ARG2: variants seen among roughly 807,000 people sequenced by gnomAD.
ARG2 encodes arginase 2.
ARG2 carries 21 observed loss-of-function variants against 39.4 expected under a neutral mutation model. That is an observed-to-expected ratio of 0.53 (90% CI 0.38 to 0.77). The LOEUF is 0.77. ARG2 is among the 30% of genes least tolerant of loss of function. The pLI is 0.00. For synonymous variants in ARG2, 150 were observed against 156.7 expected (o/e 0.96, Z 0.32); for missense variants, 378 against 426.2 (o/e 0.89, Z 1.00).
chr14:67,626,213 C>T (rs112568326), intron 2 of ARG2, among the ~76,000 whole-genome samples: 2,352 of 152,044 alleles, frequency 0.015, 73 homozygotes, highest in African/African-American at 0.053. Flanking sequence ...GAGATTGTAC[C>T]ACTGCACTCC....
intron 2 of ARG2, among the ~76,000 whole-genome samples, chr14:67,625,628 C>A (rs11628666): frequency 4.1e-4 from 57 of 140,162 alleles, no homozygotes; most frequent in African/African-American, 1.5e-3. Context: ...TGTGATGAGC[C>A]GAGATTGTGC....
rs2036789228 is a variant in ARG2, at chr14:67,619,945, C to T, written c.-33C>T. 1.4e-6 allele frequency: 2 copies of T among 1,451,448 alleles called. No individual in the cohort carries two copies. Among genetic ancestry groups the T allele is most frequent in the Non-Finnish European group, 1.9e-6 (2 of 1,076,256 alleles). The allele number at this position is 1,451,448 out of a possible 1,614,324, so 89.9% of individuals were successfully genotyped here. ...ACTCCCGGCTTCCAACCGCGCGGAG[C>T]CTCTGCCTTGGAGATTCTCAGTGCT... On this transcript the variant is annotated 5_prime_UTR_variant, in exon 1 of 8. Coordinates refer to ENST00000261783, the MANE Select transcript of ARG2 (RefSeq NM_001172.4).
intron 2 of ARG2, among the ~76,000 whole-genome samples, chr14:67,622,813 A>T (rs1021293119): frequency 1.3e-5 from 2 of 152,214 alleles, no homozygotes; most frequent in African/African-American, 4.8e-5. Flanking sequence ...GAGATTCCTG[A>T]CAAGAAGCGG....
chr14:67,634,155 CA>C (rs2036946219), intron 2 of ARG2, among the ~76,000 whole-genome samples: 2 of 152,180 alleles, frequency 1.3e-5, no homozygotes, highest in African/African-American at 4.8e-5. Context: ...ATTCACATCA[CA>C]ACCCTTGATG....
intron 2 of ARG2, among the ~76,000 whole-genome samples, chr14:67,626,259 A>G (rs912403509): frequency 3.9e-4 from 56 of 144,612 alleles, no homozygotes; most frequent in African/African-American, 1.1e-3. Flanking sequence ...GTCTCAGGGG[A>G]AAAAAAAAAC....
chr14:67,650,728 A>G lies in ARG2; in HGVS notation c.873A>G (p.Ala291=). Residue 291 remains alanine, a synonymous_variant, in exon 8 of 8, where the codon GCA becomes GCG. Transcript: ENST00000261783. ...EEIHNTGLLS[A]LDLVEVNPQL... is the part of the protein sequence containing the mutation. The stretch of plus-strand genomic sequence containing the variant: ...TTGTTCTTCCAGGGTTGCTATCAGC[A>G]CTGGATCTTGTTGAAGTCAATCCTC... 6.2e-7 allele frequency: 1 copy of G among 1,614,016 alleles called. No homozygotes were observed. The highest frequency in any genetic ancestry group is 8.5e-7 in the Non-Finnish European group (1 of 1,180,020).
At chr14:67,627,256 GATAT>G (rs3070464) in intron 2 of ARG2, among the ~76,000 whole-genome samples, 15,881 of 133,714 alleles carry the variant, frequency 0.12, 976 homozygotes, top group East Asian at 0.15. Context: ...TCAGTAAGGA[GATAT>G]ATATATATAT....
chr14:67,636,618 A>G (rs1421944853), intron 2 of ARG2, among the ~76,000 whole-genome samples: 1 of 152,236 alleles, frequency 6.6e-6, no homozygotes, highest in Non-Finnish European at 1.5e-5. Flanking sequence ...TGGTTGCATC[A>G]TTCTGTTGAT....
At chr14:67,647,486 T>G (rs902112500) in intron 6 of ARG2, 1 of 158,010 alleles carries the variant, frequency 6.3e-6, no homozygotes, top group Non-Finnish European at 1.4e-5. Flanking sequence ...TCTGGTAGTA[T>G]GTCATTTCAT....
intron 2 of ARG2, among the ~76,000 whole-genome samples, chr14:67,641,885 G>T (rs2037035319): frequency 6.6e-6 from 1 of 151,956 alleles, no homozygotes; most frequent in Non-Finnish European, 1.5e-5. Flanking sequence ...TAAGATTGTT[G>T]GTTCTTTTTG....
Position 67,619,961 on chromosome 14 carries a change from T to C in ARG2, c.-17T>C, listed in dbSNP as rs768675587. On this transcript the variant is annotated 5_prime_UTR_variant, in exon 1 of 8. Coordinates refer to ENST00000261783, the MANE Select transcript of ARG2 (RefSeq NM_001172.4). ...CGCGCGGAGCCTCTGCCTTGGAGAT[T>C]CTCAGTGCTGCGGATCATGTCCCTA... 1 of 1,546,730 alleles carries C rather than the reference T, an allele frequency of 6.5e-7. No homozygotes were observed. The highest frequency in any genetic ancestry group is 1.9e-5 in the Admixed American group (1 of 52,588).
chr14:67,629,447 C>CAT (rs1400545573), intron 2 of ARG2, among the ~76,000 whole-genome samples: 12 of 152,198 alleles, frequency 7.9e-5, no homozygotes, highest in African/African-American at 2.9e-4. Context: ...ACAAATACAG[C>CAT]ATGATTCCAT....
rs201007786 is a variant in ARG2, at chr14:67,620,961, G to A, written c.179G>A (p.Ser60Asn). ...GCTGGCTTGATGAAAAGGCTCTCCAGTTTGGGTAAGTGGTTAGATTTTTAG... is the reference window on the plus strand; with the variant it reads ...GCTGGCTTGATGAAAAGGCTCTCCAATTTGGGTAAGTGGTTAGATTTTTAG... ...REAGLMKRLS[S>N]LGCHLKDFGD... The change falls in exon 2 of 8, where the codon AGT becomes AAT. Residue 60 changes from serine (S) to asparagine (N), a missense_variant. Transcript: ENST00000261783. 1.2e-6 allele frequency: 2 copies of A among 1,614,094 alleles called. No homozygotes were observed. Among genetic ancestry groups the A allele is most frequent in the East Asian group, 4.5e-5 (2 of 44,880 alleles).
chr14:67,626,179 A>G (rs2036864320), intron 2 of ARG2, among the ~76,000 whole-genome samples: 2 of 151,892 alleles, frequency 1.3e-5, no homozygotes. Flanking sequence ...ACTTGAACCT[A>G]GGAGGTGGAG....
chr14:67,632,808 ATTTTTTTTTTTT>A (rs55642854), intron 2 of ARG2, among the ~76,000 whole-genome samples: 52 of 62,420 alleles, frequency 8.3e-4, no homozygotes, highest in South Asian at 1.8e-3. Flanking sequence ...AAGCCTCTTA[ATTTTTTTTTTTT>A]TTTTTTTTTT....
At chr14:67,645,295 T>G (rs2037083161) in intron 3 of ARG2, among the ~76,000 whole-genome samples, 2 of 152,124 alleles carry the variant, frequency 1.3e-5, no homozygotes, top group African/African-American at 4.8e-5. Flanking sequence ...ATTACAGGTG[T>G]ACACCATCTT....
chr14:67,642,359 C>G lies in ARG2; in HGVS notation c.358C>G (p.His120Asp), dbSNP rs750402239. 6 of 1,613,464 alleles carry G rather than the reference C, an allele frequency of 3.7e-6. No homozygotes were observed. The African/African-American group carries it at 8.0e-5, about 22-fold the overall frequency. ...GYSCVTLGGD[H>D]SLAIGTISGH... Reference sequence around the variant, plus strand: ...CAGCTGTGTCACACTGGGAGGAGACCACAGGTAAGCTGGGAGCCAGGCGTG... The same window carrying G: ...CAGCTGTGTCACACTGGGAGGAGACGACAGGTAAGCTGGGAGCCAGGCGTG... The change falls in exon 3 of 8, where the codon CAC becomes GAC. Residue 120 changes from histidine (H) to aspartate (D), a missense_variant. By Grantham distance (81) the His-to-Asp change is moderately conservative (BLOSUM62 -1). Coordinates refer to ENST00000261783, the MANE Select transcript of ARG2 (RefSeq NM_001172.4).
intron 2 of ARG2, among the ~76,000 whole-genome samples, chr14:67,636,222 GGTCACAGCA>G (rs2036970712): frequency 6.6e-6 from 1 of 151,780 alleles, no homozygotes; most frequent in South Asian, 2.1e-4. Context: ...TAGCAACAGG[GGTCACAGCA>G]GTAGGGAGAA....
At chr14:67,625,823 T>C (rs1245749423) in intron 2 of ARG2, among the ~76,000 whole-genome samples, 1 of 149,642 alleles carries the variant, frequency 6.7e-6, no homozygotes, top group Non-Finnish European at 1.5e-5. Context: ...ATTCTAGTGT[T>C]CGGCAAACAT....
Sources: gnomAD v4.1 joint callset for allele counts (sites outside exome capture counted in the v4.1 genomes callset) on GRCh38, gnomAD v4.1.1 for gene constraint, MANE v1.5 for transcripts, NCBI Gene and HGNC (gene_info 2026-07-23, HGNC 2026-07-21) for gene names.